Variants in VPS13B observed in about 807,000 individuals in gnomAD.
VPS13B encodes vacuolar protein sorting 13 homolog B, also known as intermembrane lipid transfer protein VPS13B.
VPS13B carries 285 observed loss-of-function variants against 426.4 expected under a neutral mutation model. The observed-to-expected ratio is 0.67, with a 90% confidence interval of 0.61 to 0.74. The LOEUF (loss-of-function observed/expected upper bound fraction) is 0.74, where lower values mean the gene tolerates loss of function less well. Among genes scored for constraint, VPS13B ranks in the 30% least tolerant of loss-of-function variants. The pLI, the probability that VPS13B is intolerant of heterozygous loss-of-function variation, is 0.00. For synonymous variants in VPS13B, 1,676 were observed against 1,676.4 expected (o/e 1.00, Z 0.01); for missense variants, 4,537 against 4,782.6 (o/e 0.95, Z 1.51).
At chr8:99,559,063 C>G (rs1020025310) in intron 31 of VPS13B, among the ~76,000 whole-genome samples, 54 of 152,208 alleles carry the variant, frequency 3.5e-4, no homozygotes, top group Non-Finnish European at 5.3e-4. Context: ...ACATCCTCTC[C>G]AGCACCTGTT....
rs1233960149 is a variant in VPS13B, at chr8:99,501,729, T to A, written c.3913T>A (p.Ser1305Thr). 1 of 1,614,170 alleles carries A rather than the reference T, an allele frequency of 6.2e-7. No homozygotes were observed. The highest frequency in any genetic ancestry group is 1.1e-5 in the South Asian group (1 of 91,086). ...AGGTGAGGAATCACCATTCTCAGAT[T>A]CTGTGACCTTGGAACAAACTACAAG... ...QAGEESPFSD[S>T]VTLEQTTSNI... Residue 1305 changes from serine to threonine, a missense_variant, in exon 26 of 62, where the codon TCT (serine) becomes ACT (threonine). Around this residue, in one of 2 missense-constraint regions of VPS13B, gnomAD observed 4,311 missense variants for 4,474.3 expected, o/e 0.96. Coordinates refer to ENST00000357162, the MANE Select transcript of VPS13B (RefSeq NM_152564.5).
Position 99,102,949 on chromosome 8 carries a change from A to G in VPS13B, c.413-4A>G, listed in dbSNP as rs1406291477. On this transcript the variant is annotated splice_polypyrimidine_tract_variant and splice_region_variant and intron_variant, in intron 4 of 61. Coordinates refer to ENST00000357162, the MANE Select transcript of VPS13B (RefSeq NM_152564.5). ...TAATTAAATTCTTTTTTTCTATTTT[A>G]TAGGTTATGTGCAGAGTCTGATTAG... is the stretch of plus-strand genomic sequence containing the variant. 1.9e-6 allele frequency: 3 copies of G among 1,598,114 alleles called. No individual in the cohort carries two copies. The highest frequency in any genetic ancestry group is 1.7e-5 in the Admixed American group (1 of 59,912).
chr8:99,332,401 T>C (rs998916109), intron 19 of VPS13B, among the ~76,000 whole-genome samples: 1 of 151,750 alleles, frequency 6.6e-6, no homozygotes, highest in African/African-American at 2.4e-5. Flanking sequence ...TTTTCATATA[T>C]GGCCACTTTA....
intron 44 of VPS13B, among the ~76,000 whole-genome samples, chr8:99,812,436 G>A (rs1334237002): frequency 6.6e-6 from 1 of 152,192 alleles, no homozygotes; most frequent in Non-Finnish European, 1.5e-5. Flanking sequence ...ATAAACTGCA[G>A]CTGCCTAATT....
chr8:99,440,354 T>A (rs1352768080), intron 22 of VPS13B, among the ~76,000 whole-genome samples: 1 of 152,112 alleles, frequency 6.6e-6, no homozygotes, highest in Non-Finnish European at 1.5e-5. Context: ...GCAGATTACT[T>A]CATTTTCTTT....
intron 7 of VPS13B, 90 bp from the exon 8 acceptor site, chr8:99,121,087 A>G (rs1847908346): frequency 8.1e-7 from 1 of 1,233,384 alleles, no homozygotes; most frequent in Admixed American, 2.3e-5. Flanking sequence ...TTAGAAGGAT[A>G]TGGGAGGAAA....
chr8:99,543,614 A>G (rs1433958884), intron 30 of VPS13B, among the ~76,000 whole-genome samples: 10 of 151,734 alleles, frequency 6.6e-5, no homozygotes, highest in Admixed American at 1.3e-4. Flanking sequence ...ACAAATTTAC[A>G]AGAAAAAAAC....
chr8:99,818,505 G>C lies in VPS13B; in HGVS notation c.8416G>C (p.Glu2806Gln). Residue 2806 changes from glutamate to glutamine, a missense_variant, in exon 46 of 62, where the codon GAA becomes CAA. By Grantham distance (29) the Glu-to-Gln change is conservative. Transcript: ENST00000357162. ...TGTCTGGTGCACAGTTTTGACTTTAGAACCCAACTCTCAAGTGCAACAACG... is the reference window on the plus strand; with the variant it reads ...TGTCTGGTGCACAGTTTTGACTTTACAACCCAACTCTCAAGTGCAACAACG... ...IYVWCTVLTL[E>Q]PNSQVQQRMI... The C allele has an allele frequency of 6.2e-7, 1 of 1,613,998 alleles. No homozygotes were observed. Among genetic ancestry groups the C allele is most frequent in the Non-Finnish European group, 8.5e-7 (1 of 1,179,956 alleles).
chr8:99,813,123 C>T (rs565221333), intron 44 of VPS13B, among the ~76,000 whole-genome samples: 4 of 152,212 alleles, frequency 2.6e-5, no homozygotes, highest in Non-Finnish European at 2.9e-5. Flanking sequence ...AACCCTGGAA[C>T]AGCCGTGCAA....
chr8:99,748,884 C>G (rs1375954723), intron 39 of VPS13B, among the ~76,000 whole-genome samples: 1 of 152,042 alleles, frequency 6.6e-6, no homozygotes, highest in Non-Finnish European at 1.5e-5. Flanking sequence ...AGCAGAATTT[C>G]TGGCACACAG....
intron 20 of VPS13B, among the ~76,000 whole-genome samples, chr8:99,389,355 T>A (rs776394773): frequency 6.6e-6 from 1 of 152,122 alleles, no homozygotes; most frequent in Non-Finnish European, 1.5e-5. Context: ...TCTAGTTACT[T>A]ATTATATAGT....
intron 3 of VPS13B, among the ~76,000 whole-genome samples, chr8:99,048,927 C>T (rs1843374719): frequency 6.6e-6 from 1 of 151,702 alleles, no homozygotes; most frequent in Admixed American, 6.6e-5. Flanking sequence ...CCCTCTTTGT[C>T]TTTTTTAACT....
chr8:99,812,533 T>C (rs931227070), intron 44 of VPS13B, among the ~76,000 whole-genome samples: 8 of 152,230 alleles, frequency 5.3e-5, no homozygotes, highest in African/African-American at 9.6e-5. Flanking sequence ...GCTAAAGCTC[T>C]TTTCTTAACA....
chr8:99,859,175 A>T (rs1458431690), intron 56 of VPS13B, 129 bp from the exon 57 acceptor site: 17 of 1,166,100 alleles, frequency 1.5e-5, no homozygotes, highest in Non-Finnish European at 2.1e-5. Flanking sequence ...ATTTTCTTCC[A>T]AAGAAACAGA....
At chr8:99,807,423 T>TA (rs1029155989) in intron 43 of VPS13B, among the ~76,000 whole-genome samples, 16 of 124,998 alleles carry the variant, frequency 1.3e-4, no homozygotes, top group African/African-American at 4.3e-4. Flanking sequence ...GCCTCATTAT[T>TA]TTTTTTTTTT....
chr8:99,641,094 G>C (rs1829339239), intron 33 of VPS13B, among the ~76,000 whole-genome samples: 1 of 152,122 alleles, frequency 6.6e-6, no homozygotes, highest in Non-Finnish European at 1.5e-5. Context: ...TCTATACATG[G>C]GGAGTCATTG....
intron 33 of VPS13B, among the ~76,000 whole-genome samples, chr8:99,620,496 G>A (rs1344966532): frequency 2.6e-5 from 4 of 152,020 alleles, no homozygotes; most frequent in Non-Finnish European, 4.4e-5. Context: ...ATAAAGGGTG[G>A]GAGGGAAAGC....
At chr8:99,140,918 TTAATA>T (rs1466734605) in intron 12 of VPS13B, among the ~76,000 whole-genome samples, 2 of 152,306 alleles carry the variant, frequency 1.3e-5, no homozygotes, top group African/African-American at 4.8e-5. Flanking sequence ...ATATTTATTA[TTAATA>T]TAATTGTGTA....
intron 31 of VPS13B, among the ~76,000 whole-genome samples, chr8:99,568,462 T>C (rs367648699): frequency 6.6e-6 from 1 of 151,484 alleles, no homozygotes; most frequent in Non-Finnish European, 1.5e-5. Context: ...GGCTAACTTT[T>C]GTATTTTTTG....
Sources: gnomAD v4.1 joint callset for allele counts (sites outside exome capture counted in the v4.1 genomes callset) on GRCh38, gnomAD v4.1.1 for gene constraint, gnomAD v4.1.1 regional missense constraint, MANE v1.5 for transcripts, NCBI Gene and HGNC (gene_info 2026-07-23, HGNC 2026-07-21) for gene names.